The following PRKN variants were observed in gnomAD, a reference collection of about 807,000 sequenced individuals.
The protein encoded by PRKN is E3 ubiquitin-protein ligase parkin.
In PRKN, 56 loss-of-function variants were observed where a neutral mutation model predicts 59.5. The ratio of observed to expected loss-of-function variants is 0.94; its 90% CI spans 0.76 to 1.18. The LOEUF is 1.18. PRKN is among the 50% of genes most tolerant of loss of function. The pLI is 0.00. For missense variants in PRKN, 657 were observed against 596.4 expected (o/e 1.10, Z -1.06); for synonymous variants, 250 against 222.1 (o/e 1.13, Z -1.12).
chr6:162,333,452 C>G (rs1783682416), intron 2 of PRKN, among the ~76,000 whole-genome samples: 1 of 152,114 alleles, frequency 6.6e-6, no homozygotes, highest in South Asian at 2.1e-4. Context: ...TTTGGTAATT[C>G]ATATAATATT....
At chr6:161,512,107 TA>T (rs1441563320) in intron 9 of PRKN, among the ~76,000 whole-genome samples, 1 of 152,212 alleles carries the variant, frequency 6.6e-6, no homozygotes, top group Non-Finnish European at 1.5e-5. Context: ...CAAGTGTACC[TA>T]ATCTATTCAA....
At chr6:162,465,226 C>T (rs978522283) in intron 1 of PRKN, among the ~76,000 whole-genome samples, 4 of 152,154 alleles carry the variant, frequency 2.6e-5, no homozygotes, top group Non-Finnish European at 5.9e-5. Flanking sequence ...TCTAGGAAGG[C>T]GGTTAGCTTA....
At chr6:161,909,519 G>T (rs1778275565) in intron 6 of PRKN, among the ~76,000 whole-genome samples, 1 of 152,184 alleles carries the variant, frequency 6.6e-6, no homozygotes, top group South Asian at 2.1e-4. Context: ...TATATTAATG[G>T]TGGGAAGAAA....
chr6:162,409,596 A>T (rs915188363), intron 2 of PRKN, among the ~76,000 whole-genome samples: 2 of 152,230 alleles, frequency 1.3e-5, no homozygotes, highest in African/African-American at 4.8e-5. Flanking sequence ...CATGAGATTG[A>T]ACATATCCTT....
At chr6:162,028,554 T>C (rs1014278089) in intron 5 of PRKN, among the ~76,000 whole-genome samples, 1 of 152,074 alleles carries the variant, frequency 6.6e-6, no homozygotes, top group African/African-American at 2.4e-5. Flanking sequence ...AAATAAGCAG[T>C]AGGCAAGAGA....
chr6:161,666,270 C>A (rs1784722007), intron 7 of PRKN, among the ~76,000 whole-genome samples: 1 of 152,206 alleles, frequency 6.6e-6, no homozygotes, highest in African/African-American at 2.4e-5. Context: ...AGAATTATCA[C>A]CCGAGCTCCA....
chr6:161,617,342 C>G (rs62436801), intron 7 of PRKN, among the ~76,000 whole-genome samples: 91 of 152,124 alleles, frequency 6.0e-4, no homozygotes, highest in Non-Finnish European at 1.2e-3. Flanking sequence ...AAATTTTCTC[C>G]CATTGTGTAG....
Position 161,825,356 on chromosome 6 carries a change from G to GATGTAATTTTTTA in PRKN, c.735-39449_735-39448insTAAAAAATTACAT, listed in dbSNP as rs1792196915. 6.9e-5 allele frequency among the ~76,000 whole-genome samples: 5 copies of GATGTAATTTTTTA among 72,940 alleles called. No individual in the cohort carries two copies. The East Asian group carries it at 1.5e-3, about 22-fold the overall frequency. The allele number at this position is 72,940 out of a possible 152,430, so 47.9% of individuals were successfully genotyped here. A position where few individuals can be genotyped will look rare whatever the true frequency, so the allele number is the denominator to read the frequency against. Reference sequence around the variant, plus strand: ...ATACTTTTGCATTCTGTTTCTTAAAGAAGGTCTCCCAAATGGTGTAATTTA... The same window carrying GATGTAATTTTTTA: ...ATACTTTTGCATTCTGTTTCTTAAAGATGTAATTTTTTAAAGGTCTCCCAAATGGTGTAATTTA... On this transcript the variant is annotated intron_variant, in intron 6 of 11. Coordinates refer to ENST00000366898, the MANE Select transcript of PRKN (RefSeq NM_004562.3).
At chr6:162,584,669 A>G (rs1353208655) in intron 1 of PRKN, among the ~76,000 whole-genome samples, 1 of 152,046 alleles carries the variant, frequency 6.6e-6, no homozygotes, top group Non-Finnish European at 1.5e-5. Flanking sequence ...GGCATATCCT[A>G]TAAATGGATT....
chr6:161,725,616 G>A (rs75218556), intron 7 of PRKN, among the ~76,000 whole-genome samples: 228 of 152,270 alleles, frequency 1.5e-3, no homozygotes, highest in African/African-American at 5.1e-3. Context: ...ACCCATTTCC[G>A]CAGTTTGTGG....
At chr6:162,264,302 A>G (rs142375777) in intron 2 of PRKN, among the ~76,000 whole-genome samples, 1 of 152,238 alleles carries the variant, frequency 6.6e-6, no homozygotes, top group East Asian at 1.9e-4. Flanking sequence ...AAATTAAATT[A>G]AATACAAATA....
chr6:161,537,335 T>C (rs1283177680), intron 9 of PRKN, among the ~76,000 whole-genome samples: 1 of 152,224 alleles, frequency 6.6e-6, no homozygotes, highest in Non-Finnish European at 1.5e-5. Context: ...CTGATGCAAA[T>C]GACTAACATA....
In PRKN at chr6:161,356,183, G is replaced by C. The variant is rs1211027638; in HGVS notation, c.1285+3905C>G. Among the ~76,000 whole-genome samples, 4 of 152,256 alleles carry C rather than the reference G, an allele frequency of 2.6e-5. No individual in the cohort carries two copies. The highest frequency in any genetic ancestry group is 9.6e-5 in the African/African-American group (4 of 41,478). ...CCCAGAGGGCTCAAGGCCATCCACA[G>C]GCAGGCCCCCTGCAGAGGGAATGGC... On this transcript the variant is annotated intron_variant, in intron 11 of 11. Coordinates refer to ENST00000366898, the MANE Select transcript of PRKN (RefSeq NM_004562.3). This position sits in a 1 kb window ranked among gnomAD's most constrained non-coding sequence, Gnocchi z 7.8.
At chr6:162,471,609 A>T (rs933187884) in intron 1 of PRKN, among the ~76,000 whole-genome samples, 1 of 152,212 alleles carries the variant, frequency 6.6e-6, no homozygotes, top group South Asian at 2.1e-4. Context: ...AAACTATTAG[A>T]TATGTTTTCT....
intron 5 of PRKN, among the ~76,000 whole-genome samples, chr6:161,978,544 G>A (rs954849872): frequency 6.6e-6 from 1 of 152,198 alleles, no homozygotes; most frequent in Non-Finnish European, 1.5e-5. Flanking sequence ...ACAGACAGTG[G>A]CATGATTCTT....
rs572048986 is a variant in PRKN at position 162,339,626 on chromosome 6, G to A, written c.172-76861C>T. 1.2e-4 allele frequency among the ~76,000 whole-genome samples: 18 copies of A among 150,650 alleles called. No individual in the cohort carries two copies. In the East Asian group the frequency reaches 1.4e-3, roughly 12 times the overall value. On this transcript the variant is annotated intron_variant, in intron 2 of 11. Coordinates refer to ENST00000366898, the MANE Select transcript of PRKN (RefSeq NM_004562.3). ...AGCCCCTCTGCCTGGCCACCACCCCGTCTGGGAGGTGTACCCAACAGCTCA... is the reference window on the plus strand; with the variant it reads ...AGCCCCTCTGCCTGGCCACCACCCCATCTGGGAGGTGTACCCAACAGCTCA...
chr6:162,529,688 C>T (rs1398209208), intron 1 of PRKN, among the ~76,000 whole-genome samples: 1 of 152,118 alleles, frequency 6.6e-6, no homozygotes, highest in Non-Finnish European at 1.5e-5. Flanking sequence ...ACACCCAGGG[C>T]TTATATACCC....
intron 8 of PRKN, among the ~76,000 whole-genome samples, chr6:161,555,180 T>C (rs2115444606): frequency 6.6e-6 from 1 of 152,322 alleles, no homozygotes; most frequent in Middle Eastern, 3.4e-3. Flanking sequence ...CCTTCACTTT[T>C]CATTTTCTAT....
intron 1 of PRKN, among the ~76,000 whole-genome samples, chr6:162,575,059 T>C (rs1207736087): frequency 6.6e-6 from 1 of 152,212 alleles, no homozygotes; most frequent in Admixed American, 6.5e-5. Flanking sequence ...TCAGTTTTTA[T>C]GTAATCAAAC....
Sources: allele counts gnomAD v4.1 joint callset (sites outside exome capture counted in the v4.1 genomes callset), GRCh38; gene constraint gnomAD v4.1.1; non-coding constraint Gnocchi (gnomAD v3.1); transcripts MANE v1.5; gene names NCBI Gene and HGNC (gene_info 2026-07-23, HGNC 2026-07-21).